UBAP1: variants seen among roughly 807,000 people sequenced by gnomAD.
UBAP1 encodes ubiquitin associated protein 1.
Under a neutral mutation model 39.0 loss-of-function variants are expected in UBAP1, and 5 were observed. The ratio of observed to expected loss-of-function variants is 0.13; its 90% CI spans 0.07 to 0.27. UBAP1 has a LOEUF of 0.27. Among genes scored for constraint, UBAP1 ranks in the 10% least tolerant of loss-of-function variants. The pLI, the probability that UBAP1 is intolerant of heterozygous loss-of-function variation, is 1.00. For synonymous variants in UBAP1, 211 were observed against 225.1 expected (o/e 0.94, Z 0.56); for missense variants, 490 against 608.1 (o/e 0.81, Z 2.04).
At chr9:34,224,742 A>G (rs1055931160) in intron 2 of UBAP1, 12 of 226,094 alleles carry the variant, frequency 5.3e-5, no homozygotes, top group Admixed American at 2.3e-4. Context: ...AGAATATTTA[A>G]TAGGCAATTG....
intron 3 of UBAP1, among the ~76,000 whole-genome samples, chr9:34,238,694 C>T (rs1833820332): frequency 6.6e-6 from 1 of 152,118 alleles, no homozygotes; most frequent in Non-Finnish European, 1.5e-5. Context: ...GAGAGATAGA[C>T]CTACTTTGTA....
chr9:34,223,760 T>A (rs1832887606), intron 2 of UBAP1, among the ~76,000 whole-genome samples: 1 of 152,094 alleles, frequency 6.6e-6, no homozygotes, highest in Non-Finnish European at 1.5e-5. Flanking sequence ...CGGCCCAAAG[T>A]GTTATTGTTT....
intron 1 of UBAP1, among the ~76,000 whole-genome samples, chr9:34,197,458 A>G (rs948785982): frequency 4.6e-5 from 7 of 152,036 alleles, no homozygotes; most frequent in African/African-American, 1.7e-4. Context: ...ATTATTCTGA[A>G]TTCTTTGTCA....
chr9:34,202,082 GA>G (rs1831405567), intron 1 of UBAP1, among the ~76,000 whole-genome samples: 1 of 152,138 alleles, frequency 6.6e-6, no homozygotes, highest in Non-Finnish European at 1.5e-5. Context: ...CAGCTAGCCA[GA>G]AGCTCTCCAA....
At chr9:34,235,311 G>GTA (rs1162450010) in intron 3 of UBAP1, among the ~76,000 whole-genome samples, 1 of 95,878 alleles carries the variant, frequency 1.0e-5, no homozygotes, top group Non-Finnish European at 2.3e-5. Context: ...ATATATATGT[G>GTA]TGTGTGTGTG....
At chr9:34,199,636 T>C (rs1381997312) in intron 1 of UBAP1, among the ~76,000 whole-genome samples, 1 of 151,810 alleles carries the variant, frequency 6.6e-6, no homozygotes, top group East Asian at 1.9e-4. Flanking sequence ...TCTTTTTTTT[T>C]TCTCTCTCTT....
At chr9:34,182,681 T>TTCTTTCTTTCTTTCTCTCTCTCTCTC (rs1491429494) in intron 1 of UBAP1, among the ~76,000 whole-genome samples, 1 of 115,496 alleles carries the variant, frequency 8.7e-6, no homozygotes, top group South Asian at 3.1e-4. Flanking sequence ...CTTTCTTTCT[T>TTCTTTCTTTCTTTCTCTCTCTCTCTC]TCTCTCTCTC....
rs1834460248 is a variant in UBAP1, at chr9:34,250,840, A to G, written c.1368+81A>G. On this transcript the variant is annotated intron_variant, in intron 6 of 6. Coordinates refer to ENST00000297661, the MANE Select transcript of UBAP1 (RefSeq NM_016525.5). ...ATCCTGGTTTTCTCCCTTGGCCCAC[A>G]CACAACCTTTTTGCTTTGCCAGTGA... 4.1e-6 allele frequency: 5 copies of G among 1,218,244 alleles called. No individual in the cohort carries two copies. The South Asian group carries it at 6.2e-5, about 15-fold the overall frequency. 75.5% of individuals were successfully genotyped at this position (1,218,244 alleles called of 1,614,324 possible). A position where few individuals can be genotyped will look rare whatever the true frequency, so the allele number is the denominator to read the frequency against.
chr9:34,179,140 C>T lies in UBAP1; in HGVS notation c.-108C>T, dbSNP rs1317473120. 7 of 1,263,084 alleles carry T rather than the reference C, an allele frequency of 5.5e-6. No homozygotes were observed. In the East Asian group the frequency reaches 1.9e-4, roughly 34 times the overall value. 78.2% of individuals were successfully genotyped at this position (1,263,084 alleles called of 1,614,324 possible). On this transcript the variant is annotated 5_prime_UTR_variant, in exon 1 of 7. Coordinates refer to ENST00000297661, the MANE Select transcript of UBAP1 (RefSeq NM_016525.5). ...AGAGTTGGAGGTGGTGGCGTTCGCT[C>T]TCCCTAGGGGCTGTCGGGAGCTCAG...
chr9:34,240,133 C>G (rs957009629), intron 3 of UBAP1, among the ~76,000 whole-genome samples: 8 of 152,216 alleles, frequency 5.3e-5, no homozygotes, highest in African/African-American at 1.9e-4. Flanking sequence ...AGAGCAGAGT[C>G]ATTGCCACTG....
rs1489633359 is a variant in UBAP1, at chr9:34,183,768, GTTTTTTGTTTT to G, written c.-8+4535_-8+4545del. Among the ~76,000 whole-genome samples the G allele has an allele frequency of 2.1e-3, 318 of 149,200 alleles. 6 individuals carry two copies. The highest frequency in any genetic ancestry group is 0.019 in the Admixed American group (277 of 14,938). On this transcript the variant is annotated intron_variant, in intron 1 of 6. Coordinates refer to ENST00000297661, the MANE Select transcript of UBAP1 (RefSeq NM_016525.5). ...TTTCAGAATTTCTTTTTTTTTGTTT[GTTTTTTGTTTT>G]TTTTTTTTGAAACGGAGCTTTGCTC...
At chr9:34,205,154 C>G (rs1831616054) in intron 1 of UBAP1, among the ~76,000 whole-genome samples, 1 of 152,064 alleles carries the variant, frequency 6.6e-6, no homozygotes, top group African/African-American at 2.4e-5. Flanking sequence ...GTAGCTGGGA[C>G]TACAGGTGTG....
In UBAP1 at chr9:34,181,116, C is replaced by CTTTTCTTTT. The variant is rs1554644657; in HGVS notation, c.-8+1880_-8+1881insCTTTTTTTT. ...TGAGCCACCGCACCCGGCCTGTTTT[C>CTTTTCTTTT]TTTTTTTTTTTTTTTTTGAGACAGA... On this transcript the variant is annotated intron_variant, in intron 1 of 6. Transcript: ENST00000297661. 4.2e-5 allele frequency among the ~76,000 whole-genome samples: 3 copies of CTTTTCTTTT among 72,274 alleles called. 1 individual carries two copies. Among genetic ancestry groups the CTTTTCTTTT allele is most frequent in the East Asian group, 5.1e-4 (1 of 1,942 alleles). 47.4% of individuals were successfully genotyped at this position (72,274 alleles called of 152,430 possible). A position where few individuals can be genotyped will look rare whatever the true frequency, so the allele number is the denominator to read the frequency against.
chr9:34,239,025 A>G (rs1222393844), intron 3 of UBAP1, among the ~76,000 whole-genome samples: 5 of 152,196 alleles, frequency 3.3e-5, no homozygotes, highest in African/African-American at 9.7e-5. Context: ...GCCATGTGAA[A>G]TATTTTTGTT....
intron 2 of UBAP1, among the ~76,000 whole-genome samples, chr9:34,222,152 C>T (rs1053094524): frequency 6.6e-6 from 1 of 152,030 alleles, no homozygotes; most frequent in Admixed American, 6.6e-5. Flanking sequence ...TATATCACAT[C>T]ATTTTAAGAA....
intron 1 of UBAP1, among the ~76,000 whole-genome samples, chr9:34,213,339 C>T (rs534580041): frequency 2.0e-5 from 3 of 151,988 alleles, no homozygotes; most frequent in East Asian, 1.9e-4. Flanking sequence ...GGTGAAACCC[C>T]GTCTCATCTA....
At chr9:34,250,885 A>T in intron 6 of UBAP1, 126 bp downstream of exon 6, 1 of 784,852 alleles carries the variant, frequency 1.3e-6, no homozygotes, top group Non-Finnish European at 2.2e-6. Context: ...CAAGTATTTG[A>T]AGGGCAGAAT....
chr9:34,209,700 CTA>C (rs1258427133), intron 1 of UBAP1, among the ~76,000 whole-genome samples: 3 of 61,596 alleles, frequency 4.9e-5, no homozygotes, highest in South Asian at 9.8e-4. Context: ...CATTAGTTAC[CTA>C]TTTTTTTTTT....
chr9:34,234,673 T>C (rs571500769), intron 3 of UBAP1, among the ~76,000 whole-genome samples: 1 of 152,136 alleles, frequency 6.6e-6, no homozygotes, highest in Admixed American at 6.5e-5. Flanking sequence ...CATAGTGACG[T>C]AGTAGCCATT....
Sources: gnomAD v4.1 joint callset for allele counts (sites outside exome capture counted in the v4.1 genomes callset) on GRCh38, gnomAD v4.1.1 for gene constraint, MANE v1.5 for transcripts, NCBI Gene and HGNC (gene_info 2026-07-23, HGNC 2026-07-21) for gene names.